Variants in SPIRE1 observed in about 807,000 individuals in gnomAD.
SPIRE1 encodes the protein spire type actin nucleation factor 1.
A neutral mutation model predicts 94.1 loss-of-function variants in SPIRE1; 40 were observed. The observed-to-expected ratio is 0.43, with a 90% CI of 0.33 to 0.55. The LOEUF is 0.55. SPIRE1 is among the 20% of genes least tolerant of loss of function. The pLI is 0.06. For missense variants in SPIRE1, 838 were observed against 975.2 expected (o/e 0.86, Z 1.87); for synonymous variants, 376 against 371.7 (o/e 1.01, Z -0.13).
rs546563449 is a variant in SPIRE1 at position 12,450,788 on chromosome 18, C to T, written c.2013-892G>A. The T allele has an allele frequency of 4.8e-5, 35 of 724,456 alleles. No individual in the cohort carries two copies. The African/African-American group carries it at 5.6e-4, about 12-fold the overall frequency. 44.9% of individuals were successfully genotyped at this position (724,456 alleles called of 1,614,324 possible). ...CCACCCCAAGATCAAATTCATAAAC[C>T]CTGGCATCTCTATTGGAGACATGGC... is the stretch of plus-strand genomic sequence containing the variant. On this transcript the variant is annotated intron_variant, in intron 16 of 16. Coordinates refer to ENST00000409402, the MANE Select transcript of SPIRE1 (RefSeq NM_001128626.2).
chr18:12,637,190 T>G (rs531332015), intron 1 of SPIRE1, among the ~76,000 whole-genome samples: 1 of 152,220 alleles, frequency 6.6e-6, no homozygotes, highest in African/African-American at 2.4e-5. Flanking sequence ...AAACCTCATC[T>G]CTATTAAAAA....
chr18:12,621,030 G>A (rs2037451438), intron 2 of SPIRE1, among the ~76,000 whole-genome samples: 1 of 152,172 alleles, frequency 6.6e-6, no homozygotes. Context: ...ACTCTAGCCT[G>A]GTGAGAGAGC....
intron 7 of SPIRE1, among the ~76,000 whole-genome samples, chr18:12,494,657 G>A (rs2033375379): frequency 6.7e-6 from 1 of 148,628 alleles, no homozygotes; most frequent in East Asian, 2.0e-4. Flanking sequence ...GTGAAACCCC[G>A]TCTCTACTAA....
intron 10 of SPIRE1, among the ~76,000 whole-genome samples, chr18:12,478,085 A>C (rs1428143279): frequency 6.6e-5 from 10 of 152,044 alleles, no homozygotes. Context: ...TATTGTTATT[A>C]GTGTTTGAAA....
intron 2 of SPIRE1, among the ~76,000 whole-genome samples, chr18:12,599,082 CCAAATATCTA>C (rs796453139): frequency 2.1e-4 from 32 of 152,186 alleles, no homozygotes; most frequent in African/African-American, 7.7e-4. Flanking sequence ...CATCTCTTCT[CCAAATATCTA>C]CAAATAAGGG....
At chr18:12,590,156 C>A (rs1488501134) in intron 2 of SPIRE1, among the ~76,000 whole-genome samples, 1 of 151,452 alleles carries the variant, frequency 6.6e-6, no homozygotes, top group Admixed American at 6.6e-5. Context: ...GGTGTAGTCC[C>A]GGCTCATTGC....
chr18:12,505,580 C>T (rs989815797), intron 6 of SPIRE1, among the ~76,000 whole-genome samples: 1 of 150,548 alleles, frequency 6.6e-6, no homozygotes, highest in Non-Finnish European at 1.5e-5. Flanking sequence ...AAAAAACTCT[C>T]AATTGGAGAT....
intron 2 of SPIRE1, among the ~76,000 whole-genome samples, chr18:12,596,798 T>A (rs1287319653): frequency 6.6e-6 from 1 of 152,140 alleles, no homozygotes; most frequent in Non-Finnish European, 1.5e-5. Flanking sequence ...AAATTTGACA[T>A]TTGTAATTTA....
At chr18:12,603,731 C>T (rs528787829) in intron 2 of SPIRE1, among the ~76,000 whole-genome samples, 15 of 151,954 alleles carry the variant, frequency 9.9e-5, no homozygotes, top group African/African-American at 2.7e-4. Flanking sequence ...CCCGACACCA[C>T]GCCTGGCTAA....
In SPIRE1 at chr18:12,508,061, G is replaced by A. The variant is rs563954320; in HGVS notation, c.808-1420C>T. 9.2e-5 allele frequency among the ~76,000 whole-genome samples: 14 copies of A among 152,110 alleles called. No individual in the cohort carries two copies. In the East Asian group the frequency reaches 1.2e-3, roughly 13 times the overall value. ...CTCAGGAGGCTGAGGCAGGAGAATC[G>A]CTTGAACCTGGGAGGCGGAGGTTGC... On this transcript the variant is annotated intron_variant, in intron 5 of 16. Coordinates refer to ENST00000409402, the MANE Select transcript of SPIRE1 (RefSeq NM_001128626.2).
At chr18:12,481,276 A>C (rs2032831353) in intron 9 of SPIRE1, among the ~76,000 whole-genome samples, 9 of 146,166 alleles carry the variant, frequency 6.2e-5, no homozygotes, top group South Asian at 2.3e-4. Flanking sequence ...AAAAAGAACA[A>C]CCCCCGCCCC....
chr18:12,659,583 T>G (rs1172865256), upstream of SPIRE1, among the ~76,000 whole-genome samples: 1 of 151,956 alleles, frequency 6.6e-6, no homozygotes, highest in African/African-American at 2.4e-5. Context: ...GGCAGGAGAA[T>G]CGCTTGAACC....
intron 4 of SPIRE1, among the ~76,000 whole-genome samples, chr18:12,523,485 T>C (rs2034420505): frequency 6.6e-6 from 1 of 152,226 alleles, no homozygotes; most frequent in African/African-American, 2.4e-5. Context: ...CTGTGGGTAA[T>C]GTGCTATCAA....
At chr18:12,465,645 A>C (rs553654244) in intron 10 of SPIRE1, among the ~76,000 whole-genome samples, 2 of 152,352 alleles carry the variant, frequency 1.3e-5, no homozygotes, top group East Asian at 3.9e-4. Flanking sequence ...ATACATTGTC[A>C]GCCTCATGGG....
At chr18:12,588,607 A>T (rs1299282954) in intron 2 of SPIRE1, among the ~76,000 whole-genome samples, 1 of 1,852 alleles carries the variant, frequency 5.4e-4, no homozygotes, top group Non-Finnish European at 0.013. Context: ...TCTCACTTTA[A>T]AAAAAAAAAA....
chr18:12,468,456 G>T (rs937835263), intron 10 of SPIRE1, among the ~76,000 whole-genome samples: 2 of 152,158 alleles, frequency 1.3e-5, no homozygotes, highest in African/African-American at 2.4e-5. Context: ...GCTGGAAGGG[G>T]CTCTTTTCTC....
chr18:12,640,137 T>C (rs959934631), intron 1 of SPIRE1, among the ~76,000 whole-genome samples: 3 of 152,202 alleles, frequency 2.0e-5, no homozygotes, highest in Non-Finnish European at 2.9e-5. Context: ...CTACTTATCT[T>C]TAAAGTAGAA....
chr18:12,546,505 C>T (rs146927800), intron 3 of SPIRE1, among the ~76,000 whole-genome samples, 169 bp downstream of exon 3: 1 of 151,850 alleles, frequency 6.6e-6, no homozygotes, highest in Non-Finnish European at 1.5e-5. Context: ...TGGTGGCATA[C>T]ACCTGTAGTC....
At chr18:12,562,775 G>C (rs1453246729) in intron 2 of SPIRE1, among the ~76,000 whole-genome samples, 1 of 151,666 alleles carries the variant, frequency 6.6e-6, no homozygotes, top group East Asian at 1.9e-4. Flanking sequence ...CTCCCAACGT[G>C]CTGGGATTAC....
Sources: gnomAD v4.1 joint callset for allele counts (sites outside exome capture counted in the v4.1 genomes callset) on GRCh38, gnomAD v4.1.1 for gene constraint, MANE v1.5 for transcripts, NCBI Gene and HGNC (gene_info 2026-07-23, HGNC 2026-07-21) for gene names.